CRACD: variants seen among roughly 807,000 people sequenced by gnomAD.
CRACD encodes capping protein-inhibiting regulator of actin dynamics.
CRACD carries 56 observed loss-of-function variants against 106.8 expected under a neutral mutation model. That is an observed-to-expected ratio of 0.52 (90% confidence interval 0.42 to 0.66). The LOEUF is 0.66. CRACD is among the 30% of genes least tolerant of loss of function. The pLI is 0.00. For missense variants in CRACD, 1,730 were observed against 1,623.2 expected (o/e 1.07, Z -1.13); for synonymous variants, 754 against 670.8 (o/e 1.12, Z -1.92).
chr4:56,194,655 A>G (rs1737524733), intron 2 of CRACD, among the ~76,000 whole-genome samples: 1 of 152,212 alleles, frequency 6.6e-6, no homozygotes, highest in Admixed American at 6.5e-5. Context: ...CTTCTGCCAC[A>G]TGAAGACACA....
At chr4:56,299,907 T>C (rs1469817245) in intron 4 of CRACD, among the ~76,000 whole-genome samples, 1 of 151,142 alleles carries the variant, frequency 6.6e-6, no homozygotes, top group African/African-American at 2.4e-5. Context: ...GCTGAAGCAC[T>C]GTACTCAGTA....
intron 1 of CRACD, among the ~76,000 whole-genome samples, chr4:56,076,829 T>C (rs1371704160): frequency 6.6e-6 from 1 of 152,248 alleles, no homozygotes; most frequent in Non-Finnish European, 1.5e-5. Flanking sequence ...CTGTCATCGC[T>C]GAATTTCCAG....
chr4:56,315,339 A>T lies in CRACD; in HGVS notation c.1837A>T (p.Ile613Phe). The T allele has an allele frequency of 6.2e-7, 1 of 1,613,836 alleles. No homozygotes were observed. The change falls in exon 8 of 11, where the codon ATC becomes TTC. Residue 613 changes from isoleucine (I) to phenylalanine (F), a missense_variant. Physicochemically the swap from Ile to Phe is conservative, Grantham distance 21. Coordinates refer to ENST00000682029, the MANE Select transcript of CRACD (RefSeq NM_001393381.1). This position sits in a 1 kb window ranked among gnomAD's most constrained non-coding sequence, Gnocchi z 4.1. The part of the protein sequence containing the change: ...LCGPAVNLSQ[I>F]KDTACKSLLG... ...TGGCCCGGCAGTCAACCTGAGCCAG[A>T]TCAAGGACACCGCGTGCAAGTCCCT...
At chr4:56,121,811 T>C (rs1479914551) in intron 1 of CRACD, among the ~76,000 whole-genome samples, 1 of 152,212 alleles carries the variant, frequency 6.6e-6, no homozygotes, top group Admixed American at 6.5e-5. Context: ...AAATGTTTAT[T>C]AGAGATATAA....
chr4:56,286,547 AG>A (rs1417649756), intron 3 of CRACD, among the ~76,000 whole-genome samples: 1 of 140,242 alleles, frequency 7.1e-6, no homozygotes, highest in East Asian at 2.0e-4. Flanking sequence ...AAAAAAAAAA[AG>A]ATTACCGTAG....
chr4:56,247,089 A>G (rs1223353555), intron 2 of CRACD, among the ~76,000 whole-genome samples: 3 of 152,128 alleles, frequency 2.0e-5, no homozygotes, highest in Admixed American at 6.5e-5. Context: ...AGGACAAGGG[A>G]GTTGCAAATA....
intron 2 of CRACD, among the ~76,000 whole-genome samples, chr4:56,208,280 G>C (rs993936841): frequency 3.3e-5 from 5 of 152,080 alleles, no homozygotes; most frequent in African/African-American, 1.2e-4. Context: ...ACAAACCCAA[G>C]GTTCAAGGTC....
At position 56,315,241 on chromosome 4, in the gene CRACD, C is replaced by T. The variant is rs199934924; in HGVS notation, c.1739C>T (p.Pro580Leu). 2.0e-4 allele frequency: 324 copies of T among 1,601,464 alleles called. 2 individuals are homozygous for T. The Admixed American group carries it at 4.2e-3, about 21-fold the overall frequency. Residue 580 changes from proline to leucine, a missense_variant, in exon 8 of 11, where the codon CCA (proline) becomes CTA (leucine). Transcript: ENST00000682029. This position sits in a 1 kb window ranked among gnomAD's most constrained non-coding sequence, Gnocchi z 4.1. ...GAACCAAAGGCCCCCAAAGCCAGCC[C>T]AGTCCAGCACGCCCTACCGTCGTCC... ...PQEPKAPKAS[P>L]VQHALPSSLS... is the part of the protein sequence containing the mutation.
intron 2 of CRACD, among the ~76,000 whole-genome samples, chr4:56,198,214 C>T (rs575635231): frequency 3.3e-5 from 5 of 152,162 alleles, no homozygotes; most frequent in African/African-American, 1.2e-4. Context: ...TATAAAATGG[C>T]GGTACATCCA....
intron 1 of CRACD, among the ~76,000 whole-genome samples, chr4:56,120,579 C>T (rs1734451929): frequency 1.3e-5 from 2 of 152,092 alleles, no homozygotes; most frequent in South Asian, 2.1e-4. Flanking sequence ...TCAGAATATA[C>T]GATTTCCCTG....
intron 1 of CRACD, among the ~76,000 whole-genome samples, chr4:56,135,640 A>G (rs985262585): frequency 6.6e-6 from 1 of 152,254 alleles, no homozygotes; most frequent in African/African-American, 2.4e-5. Flanking sequence ...CAGACGTCTC[A>G]TCTTTTAAAA....
intron 1 of CRACD, among the ~76,000 whole-genome samples, chr4:56,158,086 A>G (rs1456347857): frequency 6.6e-6 from 1 of 152,250 alleles, no homozygotes; most frequent in Admixed American, 6.5e-5. Flanking sequence ...ATAAATAAAT[A>G]CATATGCATG....
chr4:56,069,454 G>A (rs1732562889), intron 1 of CRACD, among the ~76,000 whole-genome samples: 1 of 152,128 alleles, frequency 6.6e-6, no homozygotes, highest in African/African-American at 2.4e-5. Context: ...ACCCAGTCCC[G>A]GGACTCTCCT....
intron 3 of CRACD, among the ~76,000 whole-genome samples, chr4:56,290,312 C>T (rs891468182): frequency 6.6e-6 from 1 of 152,128 alleles, no homozygotes; most frequent in African/African-American, 2.4e-5. Context: ...CTGGACTTTA[C>T]CTCACTTACA....
chr4:56,208,266 G>T (rs559353576), intron 2 of CRACD, among the ~76,000 whole-genome samples: 29 of 152,088 alleles, frequency 1.9e-4, no homozygotes, highest in Non-Finnish European at 3.4e-4. Flanking sequence ...TGAGCTGTGA[G>T]ATTACAAACC....
chr4:56,116,797 T>TG (rs1268134302), intron 1 of CRACD, among the ~76,000 whole-genome samples: 4 of 151,778 alleles, frequency 2.6e-5, no homozygotes, highest in African/African-American at 9.7e-5. Flanking sequence ...AGCCTCCGCC[T>TG]CCTGGGTTCA....
At chr4:56,121,697 A>G (rs940239400) in intron 1 of CRACD, among the ~76,000 whole-genome samples, 1 of 152,222 alleles carries the variant, frequency 6.6e-6, no homozygotes, top group Non-Finnish European at 1.5e-5. Context: ...ATGATGGGTT[A>G]CATGAACAGA....
chr4:56,293,657 G>A (rs1438273463), intron 3 of CRACD, among the ~76,000 whole-genome samples: 1 of 152,218 alleles, frequency 6.6e-6, no homozygotes, highest in Non-Finnish European at 1.5e-5. Context: ...TCACATGGCA[G>A]GAGCAGGAGC....
chr4:56,235,000 C>T (rs12504038), intron 2 of CRACD, among the ~76,000 whole-genome samples: 33,931 of 152,094 alleles, frequency 0.22, 4,207 homozygotes, highest in Middle Eastern at 0.33. Flanking sequence ...AGGGTAGAGT[C>T]CTGTTGTGTT....
Sources: gnomAD v4.1 joint callset for allele counts (sites outside exome capture counted in the v4.1 genomes callset) on GRCh38, gnomAD v4.1.1 for gene constraint, Gnocchi (gnomAD v3.1) non-coding constraint, MANE v1.5 for transcripts, NCBI Gene and HGNC (gene_info 2026-07-23, HGNC 2026-07-21) for gene names.